The following FRMPD4 variants were observed in gnomAD, a reference collection of about 807,000 sequenced individuals.
FRMPD4 encodes FERM and PDZ domain-containing protein 4.
A neutral mutation model predicts 94.1 loss-of-function variants in FRMPD4; 22 were observed. The ratio of observed to expected loss-of-function variants is 0.23; its 90% CI spans 0.17 to 0.33. The LOEUF is 0.33. Ranked by LOEUF, FRMPD4 falls within the 10% of genes least tolerant of loss-of-function variation. The probability of loss-of-function intolerance (pLI) is 1.00; values close to 1 mark genes in which losing one functional copy is unlikely to be tolerated. For missense variants in FRMPD4, 1,111 were observed against 1,339.9 expected, an observed-to-expected ratio of 0.83 and a Z score of 2.67; for synonymous variants, 631 against 548.6, an observed-to-expected ratio of 1.15 and a Z score of -2.10.
chrX:12,090,260 T>C (rs968022334), intron 3 of FRMPD4, among the ~76,000 whole-genome samples: 8 of 109,377 alleles, frequency 7.3e-5, no homozygotes, highest in Non-Finnish European at 1.5e-4. Context: ...TGATATCTGG[T>C]CTTTTAAAAG....
chrX:12,118,766 A>C (rs1387778456), intron 3 of FRMPD4, among the ~76,000 whole-genome samples: 1 of 112,286 alleles, frequency 8.9e-6, no homozygotes, highest in Non-Finnish European at 1.9e-5. Context: ...TATATTATGC[A>C]GTCACTCAGA....
intron 4 of FRMPD4, among the ~76,000 whole-genome samples, chrX:12,622,006 GA>G (rs1251641905): frequency 2.0e-5 from 1 of 49,022 alleles, no homozygotes; most frequent in East Asian, 5.5e-4. Context: ...AAGAAAGAAA[GA>G]AAGAAAGAAA....
At chrX:12,388,989 C>T (rs886872107) in intron 1 of FRMPD4, among the ~76,000 whole-genome samples, 2 of 107,640 alleles carry the variant, frequency 1.9e-5, no homozygotes, top group Admixed American at 2.0e-4. Context: ...TTGTCACTTA[C>T]GTGTGGAATC....
chrX:12,148,100 T>G (rs1181710722), intron 1 of FRMPD4, among the ~76,000 whole-genome samples: 1 of 111,927 alleles, frequency 8.9e-6, no homozygotes, highest in Non-Finnish European at 1.9e-5. Flanking sequence ...AGTGTTCAAG[T>G]TAAAGGAAGA....
intron 2 of FRMPD4, among the ~76,000 whole-genome samples, chrX:11,875,705 A>G (rs1487936119): frequency 9.1e-6 from 1 of 110,088 alleles, no homozygotes; most frequent in African/African-American, 3.3e-5. Flanking sequence ...TGGGACACAG[A>G]ACCTCTCTTT....
intron 11 of FRMPD4, among the ~76,000 whole-genome samples, chrX:12,705,639 A>C (rs189555073): frequency 9.0e-6 from 1 of 111,209 alleles, no homozygotes; most frequent in Non-Finnish European, 1.9e-5. Flanking sequence ...TTCAGCTTAC[A>C]GAGATGTAGC....
chrX:11,883,481 ATC>A (rs1473276431), intron 3 of FRMPD4, among the ~76,000 whole-genome samples: 2 of 111,560 alleles, frequency 1.8e-5, no homozygotes, highest in Non-Finnish European at 3.8e-5. Context: ...ATTAACAAAT[ATC>A]TCTGATATGC....
At chrX:12,244,216 A>T (rs1406133313) in intron 1 of FRMPD4, among the ~76,000 whole-genome samples, 1 of 110,835 alleles carries the variant, frequency 9.0e-6, no homozygotes, top group Non-Finnish European at 1.9e-5. Context: ...GCTGGCTATC[A>T]GTTGGAGTCC....
intron 2 of FRMPD4, among the ~76,000 whole-genome samples, chrX:12,548,909 G>A (rs2058505848): frequency 9.0e-6 from 1 of 111,354 alleles, no homozygotes; most frequent in South Asian, 3.8e-4. Flanking sequence ...TAGCTAATGG[G>A]GCTTGATCCT....
intron 4 of FRMPD4, among the ~76,000 whole-genome samples, chrX:12,667,656 T>C (rs1026630307): frequency 8.9e-6 from 1 of 112,411 alleles, no homozygotes; most frequent in African/African-American, 3.2e-5. Flanking sequence ...CTTCCTCACA[T>C]AGCTTTGCTT....
At chrX:11,890,441 A>G (rs1195982070) in intron 3 of FRMPD4, among the ~76,000 whole-genome samples, 1 of 112,275 alleles carries the variant, frequency 8.9e-6, no homozygotes, top group Non-Finnish European at 1.9e-5. Flanking sequence ...CAACTGAGAC[A>G]GAAGACCTAC....
chrX:12,123,123 C>CTT (rs58251577), intron 3 of FRMPD4, among the ~76,000 whole-genome samples: 9 of 84,281 alleles, frequency 1.1e-4, no homozygotes, highest in Admixed American at 2.8e-4. Context: ...ATTTTCTTTT[C>CTT]TTTTTTTTTT....
chrX:11,957,176 A>G lies in FRMPD4; in HGVS notation c.95+79158A>G, dbSNP rs1212939896. 3.6e-5 allele frequency among the ~76,000 whole-genome samples: 4 copies of G among 112,163 alleles called. No individual in the cohort carries two copies. In the South Asian group the frequency reaches 1.5e-3, roughly 42 times the overall value. ...CAAAAGGTAAAATCATGACTCTCATACATACAAATATAAAATGAACACGTA... is the reference window on the plus strand; with the variant it reads ...CAAAAGGTAAAATCATGACTCTCATGCATACAAATATAAAATGAACACGTA... On this transcript the variant is annotated intron_variant, in intron 3 of 18. Coordinates refer to the FRMPD4 transcript ENST00000640291.
At chrX:12,544,106 G>A (rs2058448630) in intron 2 of FRMPD4, among the ~76,000 whole-genome samples, 1 of 98,381 alleles carries the variant, frequency 1.0e-5, no homozygotes, top group Admixed American at 1.1e-4. Context: ...GGAGGGGGGA[G>A]GGATAGCATT....
chrX:12,438,608 G>A (rs1440625280), intron 1 of FRMPD4, among the ~76,000 whole-genome samples: 1 of 111,172 alleles, frequency 9.0e-6, no homozygotes, highest in Non-Finnish European at 1.9e-5. Flanking sequence ...AGAGAACTTA[G>A]ATTAAGTCAG....
chrX:12,482,027 T>C (rs1260817948), intron 1 of FRMPD4, among the ~76,000 whole-genome samples: 3 of 105,130 alleles, frequency 2.9e-5, no homozygotes, highest in African/African-American at 1.0e-4. Flanking sequence ...ATTCATTAAG[T>C]AGAAGTGAAT....
chrX:12,190,169 C>G lies in FRMPD4; in HGVS notation c.41+51157C>G, dbSNP rs377180691. ...AAATCTAGTAAAATTTATACAAGAT[C>G]TGTATGAGGAAACTACAGAACTTTC... On this transcript the variant is annotated intron_variant, in intron 1 of 16. Coordinates refer to ENST00000675598, the MANE Select transcript of FRMPD4 (RefSeq NM_001368397.1). Among the ~76,000 whole-genome samples the G allele has an allele frequency of 3.6e-5, 4 of 110,994 alleles. No individual in the cohort carries two copies. In the East Asian group the frequency reaches 1.1e-3, roughly 31 times the overall value.
chrX:12,406,299 A>C (rs1327696452), intron 1 of FRMPD4, among the ~76,000 whole-genome samples: 1 of 112,097 alleles, frequency 8.9e-6, no homozygotes, highest in Non-Finnish European at 1.9e-5. Context: ...TTGTATTTCA[A>C]GAAGTATTTA....
At chrX:12,015,128 G>T (rs1432004035) in intron 3 of FRMPD4, among the ~76,000 whole-genome samples, 1 of 111,238 alleles carries the variant, frequency 9.0e-6, no homozygotes, top group East Asian at 2.8e-4. Context: ...TAAAAGTGTG[G>T]TCAAAGGGAT....
Sources: allele counts gnomAD v4.1 joint callset (sites outside exome capture counted in the v4.1 genomes callset), GRCh38; gene constraint gnomAD v4.1.1; transcripts MANE v1.5; gene names NCBI Gene and HGNC (gene_info 2026-07-23, HGNC 2026-07-21).